The following GULP1 variants were observed in gnomAD, a reference collection of about 807,000 sequenced individuals.
The protein encoded by GULP1 is PTB domain-containing engulfment adapter protein 1.
In GULP1, 19 loss-of-function variants were observed where a neutral mutation model predicts 40.9. That is an observed-to-expected ratio of 0.46 (90% CI 0.32 to 0.68). The LOEUF is 0.68. GULP1 is among the 30% of genes least tolerant of loss of function. GULP1 has a pLI of 0.03. For synonymous variants in GULP1, 119 were observed against 117.6 expected (o/e 1.01, Z -0.08); for missense variants, 312 against 362.2 (o/e 0.86, Z 1.12).
At chr2:188,318,438 G>A (rs1449598366) in intron 1 of GULP1, among the ~76,000 whole-genome samples, 2 of 152,058 alleles carry the variant, frequency 1.3e-5, no homozygotes, top group East Asian at 3.9e-4. Flanking sequence ...GTGTGCTGAT[G>A]GTATTCAATT....
intron 1 of GULP1, among the ~76,000 whole-genome samples, chr2:188,318,475 T>C (rs2039466546): frequency 6.6e-6 from 1 of 152,084 alleles, no homozygotes; most frequent in Non-Finnish European, 1.5e-5. Context: ...AAACTCCATA[T>C]ATGGAAATGT....
At chr2:188,307,052 A>G (rs2037214386) in intron 1 of GULP1, among the ~76,000 whole-genome samples, 1 of 152,230 alleles carries the variant, frequency 6.6e-6, no homozygotes, top group South Asian at 2.1e-4. Context: ...CCATTTATCA[A>G]CAGAATAAAT....
chr2:188,336,864 A>G (rs952342957), intron 1 of GULP1, among the ~76,000 whole-genome samples: 1 of 152,174 alleles, frequency 6.6e-6, no homozygotes, highest in Non-Finnish European at 1.5e-5. Context: ...TAGATCATGG[A>G]CTTATAGTCA....
intron 1 of GULP1, among the ~76,000 whole-genome samples, chr2:188,314,012 A>T (rs1032144472): frequency 2.0e-5 from 3 of 151,880 alleles, no homozygotes; most frequent in Non-Finnish European, 2.9e-5. Flanking sequence ...TAAAAAAAAA[A>T]CAAAATACAT....
intron 2 of GULP1, among the ~76,000 whole-genome samples, chr2:188,450,620 C>T (rs140150223): frequency 1.6e-4 from 24 of 151,986 alleles, no homozygotes; most frequent in African/African-American, 5.5e-4. Context: ...CAGTGGGCCA[C>T]GATGAATTAT....
chr2:188,437,296 G>A (rs1417060397), intron 2 of GULP1, among the ~76,000 whole-genome samples: 1 of 151,948 alleles, frequency 6.6e-6, no homozygotes, highest in Non-Finnish European at 1.5e-5. Flanking sequence ...AAAATTCAGA[G>A]CCCAAACGAT....
chr2:188,464,065 A>G (rs747706153), intron 2 of GULP1, among the ~76,000 whole-genome samples: 6 of 151,896 alleles, frequency 4.0e-5, no homozygotes, highest in Non-Finnish European at 7.4e-5. Context: ...GATCATCTTG[A>G]TACTTGTAGA....
At chr2:188,553,824 T>C (rs978260918) in intron 7 of GULP1, among the ~76,000 whole-genome samples, 2 of 152,070 alleles carry the variant, frequency 1.3e-5, no homozygotes, top group Non-Finnish European at 2.9e-5. Flanking sequence ...TGATTCAATA[T>C]TGCTACTCAT....
chr2:188,524,048 A>G (rs1356081283), intron 5 of GULP1, among the ~76,000 whole-genome samples: 3 of 152,204 alleles, frequency 2.0e-5, no homozygotes, highest in Non-Finnish European at 4.4e-5. Flanking sequence ...CAGTTTATGG[A>G]CACATTAGAA....
chr2:188,521,535 G>A (rs2153225466), intron 4 of GULP1, among the ~76,000 whole-genome samples: 1 of 152,282 alleles, frequency 6.6e-6, no homozygotes, highest in African/African-American at 2.4e-5. Context: ...GAAGAGCAAA[G>A]TCATGTCTTA....
chr2:188,420,132 C>T (rs1040452494), intron 2 of GULP1, among the ~76,000 whole-genome samples: 3 of 152,006 alleles, frequency 2.0e-5, no homozygotes, highest in African/African-American at 4.8e-5. Flanking sequence ...TGTGATGCCT[C>T]CAGCTTTGTT....
intron 1 of GULP1, among the ~76,000 whole-genome samples, chr2:188,336,631 A>G (rs1039647190): frequency 5.3e-5 from 8 of 152,190 alleles, no homozygotes; most frequent in African/African-American, 1.9e-4. Context: ...ACATCCATGG[A>G]TGAGGTGGTC....
intron 2 of GULP1, among the ~76,000 whole-genome samples, chr2:188,396,220 A>G (rs866031550): frequency 1.3e-5 from 2 of 152,226 alleles, no homozygotes; most frequent in African/African-American, 2.4e-5. Context: ...TGGTGGGGTC[A>G]TAGAACTGCC....
chr2:188,363,264 A>G (rs1038222071), intron 1 of GULP1, among the ~76,000 whole-genome samples: 1 of 151,992 alleles, frequency 6.6e-6, no homozygotes, highest in African/African-American at 2.4e-5. Context: ...TCTGTGTGTA[A>G]TGTTTTTAGT....
chr2:188,376,764 T>C (rs1263613124), intron 1 of GULP1, among the ~76,000 whole-genome samples: 1 of 152,216 alleles, frequency 6.6e-6, no homozygotes, highest in Non-Finnish European at 1.5e-5. Context: ...CATATGCTAT[T>C]GGTGGAAGTC....
intron 2 of GULP1, among the ~76,000 whole-genome samples, chr2:188,437,398 C>G (rs1233486989): frequency 1.3e-5 from 2 of 152,018 alleles, no homozygotes; most frequent in South Asian, 2.1e-4. Flanking sequence ...AAAAGCATTT[C>G]TTTTCCCACT....
At chr2:188,312,807 T>A (rs2038397494) in intron 1 of GULP1, among the ~76,000 whole-genome samples, 1 of 152,154 alleles carries the variant, frequency 6.6e-6, no homozygotes. Flanking sequence ...TGCCAGCATC[T>A]ATTGTTTCCT....
At chr2:188,582,761 C>T (rs1294594735) in intron 9 of GULP1, among the ~76,000 whole-genome samples, 1 of 152,058 alleles carries the variant, frequency 6.6e-6, no homozygotes, top group Non-Finnish European at 1.5e-5. Flanking sequence ...AGGGTGGTGA[C>T]AGTGTAGAAA....
intron 1 of GULP1, among the ~76,000 whole-genome samples, chr2:188,376,061 T>C (rs2152468411): frequency 6.6e-6 from 1 of 152,154 alleles, no homozygotes; most frequent in African/African-American, 2.4e-5. Flanking sequence ...ATGCAAACCC[T>C]GTGGGTATGG....
Sources: allele counts gnomAD v4.1 joint callset (sites outside exome capture counted in the v4.1 genomes callset), GRCh38; gene constraint gnomAD v4.1.1; transcripts MANE v1.5; gene names NCBI Gene and HGNC (gene_info 2026-07-23, HGNC 2026-07-21).